Variants in BACH2 observed in about 807,000 individuals in gnomAD.
BACH2 encodes the protein transcription regulator protein BACH2.
A neutral mutation model predicts 61.8 loss-of-function variants in BACH2; 5 were observed. That is an observed-to-expected ratio of 0.08 (90% CI 0.04 to 0.17). The LOEUF (loss-of-function observed/expected upper bound fraction) is 0.17. Among genes scored for constraint, BACH2 ranks in the 10% least tolerant of loss-of-function variants. The probability of loss-of-function intolerance (pLI) is 1.00; values close to 1 mark genes in which losing one functional copy is unlikely to be tolerated. For missense variants in BACH2, 824 were observed against 1,091.1 expected (o/e 0.76, Z 3.45); for synonymous variants, 446 against 440.1 (o/e 1.01, Z -0.17).
intron 7 of BACH2, among the ~76,000 whole-genome samples, chr6:89,946,985 T>C (rs760636070): frequency 2.0e-5 from 3 of 152,204 alleles, no homozygotes; most frequent in Non-Finnish European, 4.4e-5. Context: ...TACAACATCT[T>C]ACAGAATACA....
chr6:90,112,356 G>T (rs975360645), intron 4 of BACH2, among the ~76,000 whole-genome samples: 1 of 152,140 alleles, frequency 6.6e-6, no homozygotes, highest in African/African-American at 2.4e-5. Flanking sequence ...TAGAGAGAAA[G>T]GGCAGGTCAA....
rs2127801342 is a variant in BACH2, at chr6:90,070,440, T to C, written c.-13+18521A>G. ...TCTTTTCACCCCATCCTCAGCTTTATCCTGTAGCCTGTGGCCAGATGAGTG... is the reference window on the plus strand; with the variant it reads ...TCTTTTCACCCCATCCTCAGCTTTACCCTGTAGCCTGTGGCCAGATGAGTG... On this transcript the variant is annotated intron_variant, in intron 5 of 8. Transcript: ENST00000257749. Among the ~76,000 whole-genome samples, 2 of 152,186 alleles carry C rather than the reference T, an allele frequency of 1.3e-5. 1 individual carries two copies. The highest frequency in any genetic ancestry group is 4.8e-5 in the African/African-American group (2 of 41,518).
intron 6 of BACH2, among the ~76,000 whole-genome samples, chr6:89,986,732 C>T (rs1349588248): frequency 3.9e-5 from 6 of 152,168 alleles, no homozygotes; most frequent in Non-Finnish European, 1.5e-5. Context: ...GCAAACAAAC[C>T]ATCACCCACT....
At chr6:90,098,599 A>C (rs1782481212) in intron 4 of BACH2, among the ~76,000 whole-genome samples, 1 of 152,204 alleles carries the variant, frequency 6.6e-6, no homozygotes, top group Admixed American at 6.5e-5. Flanking sequence ...CATAGACACA[A>C]AACATTTCCA....
At chr6:90,123,598 G>A (rs933181555) in intron 4 of BACH2, among the ~76,000 whole-genome samples, 4 of 151,330 alleles carry the variant, frequency 2.6e-5, no homozygotes, top group African/African-American at 4.9e-5. Context: ...GTGAAACCCC[G>A]TCTCTACTAA....
intron 2 of BACH2, among the ~76,000 whole-genome samples, chr6:90,256,272 T>C (rs1417509432): frequency 6.6e-6 from 1 of 152,208 alleles, no homozygotes; most frequent in Non-Finnish European, 1.5e-5. Flanking sequence ...TGCAGCTAGT[T>C]GGTGACATGT....
intron 6 of BACH2, among the ~76,000 whole-genome samples, chr6:90,003,875 C>T (rs140641139): frequency 3.3e-5 from 5 of 152,344 alleles, no homozygotes; most frequent in African/African-American, 1.2e-4. Flanking sequence ...CCCTTCTCAT[C>T]CTGGTCATGC....
intron 3 of BACH2, among the ~76,000 whole-genome samples, chr6:90,234,869 A>G (rs1160223817): frequency 6.6e-6 from 1 of 152,190 alleles, no homozygotes; most frequent in African/African-American, 2.4e-5. Context: ...GCCAAATCCC[A>G]CCTTTGGCAC....
intron 1 of BACH2, among the ~76,000 whole-genome samples, chr6:90,285,209 A>G (rs2127888892): frequency 6.6e-6 from 1 of 152,374 alleles, no homozygotes; most frequent in Admixed American, 6.5e-5. Context: ...TAGCTTTAAA[A>G]TGACCTGAGG....
At chr6:90,060,974 T>C (rs181261927) in intron 5 of BACH2, among the ~76,000 whole-genome samples, 21 of 152,322 alleles carry the variant, frequency 1.4e-4, no homozygotes, top group African/African-American at 4.8e-4. Context: ...TTCTTAGATA[T>C]TTTCATTACT....
intron 5 of BACH2, among the ~76,000 whole-genome samples, chr6:90,079,121 T>C (rs1781605691): frequency 6.6e-6 from 1 of 152,176 alleles, no homozygotes; most frequent in East Asian, 1.9e-4. Flanking sequence ...CTCTTTGGTG[T>C]TTCTTCTAGC....
intron 7 of BACH2, among the ~76,000 whole-genome samples, chr6:89,939,155 C>T (rs186867026): frequency 6.6e-6 from 1 of 152,262 alleles, no homozygotes; most frequent in South Asian, 2.1e-4. Flanking sequence ...GAGGCTAGGT[C>T]GAAAATTAGC....
intron 5 of BACH2, among the ~76,000 whole-genome samples, chr6:90,065,008 G>C (rs188880281): frequency 6.6e-6 from 1 of 152,006 alleles, no homozygotes; most frequent in Non-Finnish European, 1.5e-5. Flanking sequence ...TCAAATGGCT[G>C]CAAGAATTCC....
chr6:90,014,440 G>GTATATATATATATATA (rs1201471150), intron 5 of BACH2, among the ~76,000 whole-genome samples: 3 of 48,036 alleles, frequency 6.2e-5, no homozygotes, highest in African/African-American at 3.2e-4. Context: ...GTGTGTGTGT[G>GTATATATATATATATA]TATATATATA....
intron 4 of BACH2, among the ~76,000 whole-genome samples, chr6:90,098,468 C>G (rs1347020569): frequency 1.3e-5 from 2 of 152,194 alleles, no homozygotes; most frequent in Non-Finnish European, 2.9e-5. Flanking sequence ...TTAACACAAT[C>G]TATCACACAG....
chr6:90,070,424 C>T (rs907744695), intron 5 of BACH2, among the ~76,000 whole-genome samples: 1 of 152,096 alleles, frequency 6.6e-6, no homozygotes, highest in Non-Finnish European at 1.5e-5. Context: ...TTCTTTTCAC[C>T]CCATCCTCAG....
intron 6 of BACH2, among the ~76,000 whole-genome samples, chr6:89,956,554 T>G (rs1350076095): frequency 6.6e-6 from 1 of 152,216 alleles, no homozygotes; most frequent in East Asian, 1.9e-4. Context: ...GATGGGCTGA[T>G]GAAAACTCAA....
chr6:90,009,409 C>T (rs1274976200), intron 5 of BACH2, among the ~76,000 whole-genome samples: 1 of 152,232 alleles, frequency 6.6e-6, no homozygotes, highest in Non-Finnish European at 1.5e-5. Context: ...TGTCTGCACA[C>T]TGAAGACTCA....
At chr6:90,119,510 ATTAAT>A (rs1357440518) in intron 4 of BACH2, among the ~76,000 whole-genome samples, 1 of 152,230 alleles carries the variant, frequency 6.6e-6, no homozygotes, top group African/African-American at 2.4e-5. Flanking sequence ...TTACTGAGCT[ATTAAT>A]TTAAACTTAA....
Sources: gnomAD v4.1 joint callset for allele counts (sites outside exome capture counted in the v4.1 genomes callset) on GRCh38, gnomAD v4.1.1 for gene constraint, MANE v1.5 for transcripts, NCBI Gene and HGNC (gene_info 2026-07-23, HGNC 2026-07-21) for gene names.